RYR1: variants seen among roughly 807,000 people sequenced by gnomAD.
The protein encoded by RYR1 is central core disease of muscle.
In RYR1, 342 loss-of-function variants were observed where a neutral mutation model predicts 583.5. The observed-to-expected ratio is 0.59, with a 90% CI of 0.54 to 0.64. RYR1 has a LOEUF of 0.64. RYR1 is among the 30% of genes least tolerant of loss of function. The pLI, the probability that RYR1 is intolerant of heterozygous loss-of-function variation, is 0.00. For missense variants in RYR1, 6,032 were observed against 6,917.2 expected, an observed-to-expected ratio of 0.87 and a Z score of 4.54; for synonymous variants, 2,791 against 2,822.5, an observed-to-expected ratio of 0.99 and a Z score of 0.35.
intron 24 of RYR1, among the ~76,000 whole-genome samples, chr19:38,466,988 A>T (rs1968147468): frequency 6.6e-6 from 1 of 152,086 alleles, no homozygotes. Context: ...GAACCCAATG[A>T]GTGCCAACCC....
intron 37 of RYR1, 82 bp downstream of exon 37, chr19:38,490,814 C>A (rs1163803028): frequency 8.2e-6 from 7 of 851,328 alleles, no homozygotes; most frequent in Non-Finnish European, 1.0e-5. Context: ...GATTTCCTGA[C>A]AACCCTCTAC....
chr19:38,508,405 G>A (rs112205479), intron 58 of RYR1, among the ~76,000 whole-genome samples: 8,131 of 152,094 alleles, frequency 0.053, 308 homozygotes, highest in East Asian at 0.14. Flanking sequence ...GTAGAGACGG[G>A]GTTTCACCAT....
At position 38,496,311 on chromosome 19, in the gene RYR1, C is replaced by T. The variant is rs146617004; in HGVS notation, c.6645C>T (p.Leu2215=). The change falls in exon 40 of 106, where the codon CTC becomes CTT. Residue 2215 remains leucine, a synonymous_variant. Coordinates refer to ENST00000359596, the MANE Select transcript of RYR1 (RefSeq NM_000540.3). The surrounding 1 kb of genome is among the most constrained non-coding windows in gnomAD (Gnocchi z 4.8). ...TCATGGAGGTCATGGTCAACGTCCT[C>T]GGGGGCGGCGAGTCCAAGGTGAGGG... ...ETVMEVMVNV[L]GGGESKEIRF... 1.2e-4 allele frequency: 200 copies of T among 1,614,008 alleles called. 1 individual carries two copies. The African/African-American group carries it at 1.3e-3, about 11-fold the overall frequency.
At chr19:38,494,757 A>C in intron 39 of RYR1, 132 bp downstream of exon 39, 50 of 1,102,118 alleles carry the variant, frequency 4.5e-5, no homozygotes, top group Non-Finnish European at 6.5e-5. Flanking sequence ...TGGCTAGCTC[A>C]CCTCCTGGGT....
At chr19:38,519,537 G>A (rs1202673770) in intron 67 of RYR1, 83 bp downstream of exon 67, 1 of 1,476,020 alleles carries the variant, frequency 6.8e-7, no homozygotes, top group Non-Finnish European at 9.2e-7. Context: ...CCTCCTGACT[G>A]GCTAGAAACT....
intron 81 of RYR1, 43 bp from the exon 82 acceptor site, chr19:38,535,954 A>C (rs1362795056): frequency 5.1e-6 from 8 of 1,580,082 alleles, no homozygotes; most frequent in Non-Finnish European, 6.9e-6. Flanking sequence ...AGGAGGGCAG[A>C]GGCTTCATCA....
chr19:38,521,860 C>T (rs1202336522), intron 67 of RYR1, among the ~76,000 whole-genome samples: 1 of 151,482 alleles, frequency 6.6e-6, no homozygotes, highest in East Asian at 2.0e-4. Flanking sequence ...GTGCCTGCCA[C>T]CACACCCGGC....
chr19:38,527,720 A>G lies in RYR1; in HGVS notation c.10760A>G (p.Asp3587Gly), dbSNP rs778763130. 2.7e-5 allele frequency: 44 copies of G among 1,613,910 alleles called. 1 individual carries two copies. The South Asian group carries it at 3.0e-4, about 11-fold the overall frequency. ...RGVPGREEDADDPEKIVRRVQ... is the reference protein window; with the variant it reads ...RGVPGREEDAGDPEKIVRRVQ... ...GTCCCGGGTCGCGAGGAGGACGCCGATGACCCCGAGAAAATCGTGCGCAGA... is the reference window on the plus strand; with the variant it reads ...GTCCCGGGTCGCGAGGAGGACGCCGGTGACCCCGAGAAAATCGTGCGCAGA... Residue 3587 changes from aspartate (D) to glycine (G), a missense_variant, in exon 73 of 106, where the codon GAT becomes GGT. Coordinates refer to ENST00000359596, the MANE Select transcript of RYR1 (RefSeq NM_000540.3).
At chr19:38,516,030 G>T in intron 64 of RYR1, 57 bp from the exon 65 acceptor site, 1 of 1,530,398 alleles carries the variant, frequency 6.5e-7, no homozygotes, top group South Asian at 1.2e-5. Context: ...ATGGGGCTGG[G>T]ACCCAGGACC....
At chr19:38,464,227 A>C (rs1447193340) in intron 22 of RYR1, among the ~76,000 whole-genome samples, 1 of 137,180 alleles carries the variant, frequency 7.3e-6, no homozygotes, top group Non-Finnish European at 1.6e-5. Flanking sequence ...CAGCGAGCCG[A>C]GATCACACTA....
At chr19:38,470,305 G>C (rs565228290) in intron 27 of RYR1, among the ~76,000 whole-genome samples, 27 of 151,988 alleles carry the variant, frequency 1.8e-4, no homozygotes, top group African/African-American at 6.5e-4. Context: ...GGGTGCTGTG[G>C]CACATGCCTG....
chr19:38,433,990 T>C, intron 1 of RYR1, 116 bp downstream of exon 1: 1 of 875,442 alleles, frequency 1.1e-6, no homozygotes, highest in Non-Finnish European at 2.0e-6. Flanking sequence ...TCGAGGTCTC[T>C]TCCTATGTCA....
chr19:38,572,321 G>T (rs1568594450), intron 95 of RYR1, 51 bp downstream of exon 95: 2 of 1,504,584 alleles, frequency 1.3e-6, no homozygotes, highest in Non-Finnish European at 1.8e-6. Context: ...CTGGGTGGGG[G>T]TGGGGGCAGT....
intron 92 of RYR1, 46 bp from the exon 93 acceptor site, chr19:38,567,727 T>C: frequency 6.2e-7 from 1 of 1,614,090 alleles, no homozygotes; most frequent in Non-Finnish European, 8.5e-7. Flanking sequence ...AACTCATGCA[T>C]TGCCTGCCCA....
chr19:38,571,931 C>T (rs1398420475), intron 94 of RYR1, 88 bp from the exon 95 acceptor site: 1 of 1,586,954 alleles, frequency 6.3e-7, no homozygotes, highest in African/African-American at 1.3e-5. Context: ...TGGTATGGTC[C>T]CAGTCCAATC....
At position 38,433,863 on chromosome 19, in the gene RYR1, T is replaced by C. The variant is rs370115856; in HGVS notation, c.34T>C (p.Phe12Leu). The C allele has an allele frequency of 6.2e-7, 1 of 1,613,086 alleles. No individual in the cohort carries two copies. Among genetic ancestry groups the C allele is most frequent in the African/African-American group, 1.3e-5 (1 of 74,730 alleles). ...GDAEGEDEVQ[F>L]LRTDDEVVLQ... Reference sequence around the variant, plus strand: ...CGCAGAAGGCGAAGACGAGGTCCAGTTCCTGCGGACGGTGCGTATCTCTGG... The same window carrying C: ...CGCAGAAGGCGAAGACGAGGTCCAGCTCCTGCGGACGGTGCGTATCTCTGG... Residue 12 changes from phenylalanine (F) to leucine (L), a missense_variant, in exon 1 of 106, where the codon TTC becomes CTC. Phe to Leu is a conservative substitution (Grantham distance 22). Coordinates refer to ENST00000359596, the MANE Select transcript of RYR1 (RefSeq NM_000540.3).
intron 1 of RYR1, among the ~76,000 whole-genome samples, chr19:38,435,358 G>A (rs1972380105): frequency 1.3e-5 from 2 of 152,192 alleles, no homozygotes. Context: ...TTAGGGTTCT[G>A]GAGGCTTGGC....
rs1471639760 is a variant in RYR1, at chr19:38,535,184, C to T, written c.11403C>T (p.Ile3801=). 2 of 1,614,152 alleles carry T rather than the reference C, an allele frequency of 1.2e-6. No homozygotes were observed. Among genetic ancestry groups the T allele is most frequent in the South Asian group, 1.1e-5 (1 of 91,080 alleles). The change falls in exon 80 of 106, where the codon ATC becomes ATT. Residue 3801 remains isoleucine, a synonymous_variant. Coordinates refer to ENST00000359596, the MANE Select transcript of RYR1 (RefSeq NM_000540.3). The part of the protein sequence containing the change: ...AMVSSTLKLG[I]SILNGGNAEV... ...TGTCCTCCACCCTGAAGCTGGGCAT[C>T]TCCATCCTCAATGGAGGCAATGCTG... is the stretch of plus-strand genomic sequence containing the variant.
intron 81 of RYR1, chr19:38,535,659 G>A (rs1600961683): frequency 1.7e-6 from 1 of 597,690 alleles, no homozygotes; most frequent in East Asian, 2.8e-5. Flanking sequence ...TTGGCAGTGG[G>A]AGATTTAGGA....
Sources: gnomAD v4.1 joint callset for allele counts (sites outside exome capture counted in the v4.1 genomes callset) on GRCh38, gnomAD v4.1.1 for gene constraint, Gnocchi (gnomAD v3.1) non-coding constraint, MANE v1.5 for transcripts, NCBI Gene and HGNC (gene_info 2026-07-23, HGNC 2026-07-21) for gene names.